The following SFMBT2 variants were observed in gnomAD, a reference collection of about 807,000 sequenced individuals.
SFMBT2 encodes the protein Scm like with four mbt domains 2.
A neutral mutation model predicts 110.1 loss-of-function variants in SFMBT2; 38 were observed. That is an observed-to-expected ratio of 0.35 (90% CI 0.27 to 0.45). The LOEUF (loss-of-function observed/expected upper bound fraction) is 0.45. Ranked by LOEUF, SFMBT2 falls within the 20% of genes least tolerant of loss-of-function variation. The pLI, the probability that SFMBT2 is intolerant of heterozygous loss-of-function variation, is 1.00. For missense variants in SFMBT2, 1,011 were observed against 1,094.9 expected, an observed-to-expected ratio of 0.92 and a Z score of 1.08; for synonymous variants, 425 against 425.4, an observed-to-expected ratio of 1.00 and a Z score of 0.01.
intron 7 of SFMBT2, among the ~76,000 whole-genome samples, chr10:7,259,289 G>C (rs1841124493): frequency 6.6e-6 from 1 of 152,214 alleles, no homozygotes; most frequent in Non-Finnish European, 1.5e-5. Context: ...CAAGTGGGAA[G>C]CCTCCCCACT....
chr10:7,208,828 A>G (rs1839238495), intron 11 of SFMBT2, among the ~76,000 whole-genome samples: 1 of 152,200 alleles, frequency 6.6e-6, no homozygotes, highest in African/African-American at 2.4e-5. Flanking sequence ...CAATGTATAC[A>G]TTAGTATATT....
intron 4 of SFMBT2, chr10:7,286,274 G>A: frequency 4.0e-6 from 1 of 252,710 alleles, no homozygotes; most frequent in East Asian, 1.8e-4. Context: ...GTTCCAAGGA[G>A]AGAGAAACCA....
chr10:7,315,906 A>G (rs1842997517), intron 4 of SFMBT2, among the ~76,000 whole-genome samples: 2 of 152,210 alleles, frequency 1.3e-5, no homozygotes, highest in Non-Finnish European at 2.9e-5. Flanking sequence ...AGCCCTCTTA[A>G]TATTTGCTGT....
At position 7,160,720 on chromosome 10, in the gene SFMBT2, A is replaced by G. The variant is rs183015352; in HGVS notation, c.*3050T>C. The G allele has an allele frequency of 4.6e-5, 7 of 152,364 alleles. No homozygotes were observed. Among genetic ancestry groups the G allele is most frequent in the African/African-American group, 1.7e-4 (7 of 41,564 alleles). The allele number at this position is 152,364 out of a possible 1,614,324, so 9.4% of individuals were successfully genotyped here. ...AAGGACACACACAGAAAAATGCTCC[A>G]TGAAATTGGCCCTACCTTTAAGACA... On this transcript the variant is annotated 3_prime_UTR_variant, in exon 21 of 21. Transcript: ENST00000397167.
rs1486122697 is a variant in SFMBT2, at chr10:7,159,795, T to C, written c.*3975A>G. On this transcript the variant is annotated 3_prime_UTR_variant, in exon 21 of 21. Transcript: ENST00000397167. ...TTCTATATACAGAAATAAATATAAA[T>C]GGGTGTTCTATAAAATAAGTATGAA... 6.6e-6 allele frequency: 1 copy of C among 152,152 alleles called. No individual in the cohort carries two copies. Among genetic ancestry groups the C allele is most frequent in the Non-Finnish European group, 1.5e-5 (1 of 68,012 alleles). The allele number at this position is 152,152 out of a possible 1,614,324, so 9.4% of individuals were successfully genotyped here. A position where few individuals can be genotyped will look rare whatever the true frequency, so the allele number is the denominator to read the frequency against.
chr10:7,383,301 C>T (rs186715473), intron 1 of SFMBT2, among the ~76,000 whole-genome samples: 122 of 152,176 alleles, frequency 8.0e-4, no homozygotes, highest in African/African-American at 2.8e-3. Context: ...CTCAGGAGTT[C>T]ATGGTCAGCC....
At chr10:7,371,323 C>T (rs184587236) in intron 2 of SFMBT2, among the ~76,000 whole-genome samples, 2 of 152,256 alleles carry the variant, frequency 1.3e-5, no homozygotes, top group Admixed American at 6.5e-5. Flanking sequence ...CAGAGTTTCA[C>T]TACACGTTGG....
At chr10:7,266,024 T>C (rs531340728) in intron 7 of SFMBT2, among the ~76,000 whole-genome samples, 1 of 152,036 alleles carries the variant, frequency 6.6e-6, no homozygotes, top group Non-Finnish European at 1.5e-5. Context: ...CTGAGATCAG[T>C]GCTGAACCAG....
intron 4 of SFMBT2, among the ~76,000 whole-genome samples, chr10:7,350,910 T>C (rs1844293360): frequency 6.6e-6 from 1 of 152,204 alleles, no homozygotes; most frequent in South Asian, 2.1e-4. Context: ...ATTCCCTTGG[T>C]AGTAGCCACA....
At chr10:7,401,272 G>A (rs1446265510) in intron 1 of SFMBT2, among the ~76,000 whole-genome samples, 1 of 152,192 alleles carries the variant, frequency 6.6e-6, no homozygotes, top group Non-Finnish European at 1.5e-5. Context: ...GGCTGAGGCT[G>A]CAAGTGAGAT....
At chr10:7,264,377 C>T (rs575626950) in intron 7 of SFMBT2, among the ~76,000 whole-genome samples, 12 of 152,230 alleles carry the variant, frequency 7.9e-5, no homozygotes, top group East Asian at 3.9e-4. Flanking sequence ...ATGTCAAAGA[C>T]GACAGAGACT....
chr10:7,333,252 T>C (rs1843616179), intron 4 of SFMBT2, among the ~76,000 whole-genome samples: 1 of 152,120 alleles, frequency 6.6e-6, no homozygotes, highest in Non-Finnish European at 1.5e-5. Flanking sequence ...CTAGCACAAA[T>C]AAAATATGGG....
intron 4 of SFMBT2, among the ~76,000 whole-genome samples, chr10:7,290,852 A>C (rs763249017): frequency 2.0e-5 from 3 of 152,226 alleles, no homozygotes; most frequent in Non-Finnish European, 2.9e-5. Flanking sequence ...AAAGAAAAAG[A>C]AAGCAAGCTA....
At chr10:7,401,198 C>T (rs182052727) in intron 1 of SFMBT2, among the ~76,000 whole-genome samples, 100 of 152,260 alleles carry the variant, frequency 6.6e-4, no homozygotes, top group African/African-American at 2.3e-3. Context: ...CTCTCAAGCA[C>T]GCACCTTTTT....
intron 1 of SFMBT2, among the ~76,000 whole-genome samples, chr10:7,392,472 A>C (rs1411795453): frequency 6.6e-6 from 1 of 152,058 alleles, no homozygotes; most frequent in Non-Finnish European, 1.5e-5. Context: ...CTGAGATTGC[A>C]CCACTGCACT....
At chr10:7,192,059 T>C (rs533039892) in intron 15 of SFMBT2, among the ~76,000 whole-genome samples, 10 of 151,380 alleles carry the variant, frequency 6.6e-5, no homozygotes, top group Non-Finnish European at 8.8e-5. Context: ...AAAAAAAAAA[T>C]GTGCACTTTT....
At chr10:7,368,209 T>C (rs1190830883) in intron 3 of SFMBT2, 1 of 459,568 alleles carries the variant, frequency 2.2e-6, no homozygotes, top group Non-Finnish European at 2.9e-6. Flanking sequence ...TGTCTTCTTT[T>C]TGAATAAAGC....
chr10:7,164,096 T>C (rs1003552446), intron 20 of SFMBT2, 186 bp from the exon 21 acceptor site: 9 of 985,302 alleles, frequency 9.1e-6, no homozygotes, highest in African/African-American at 1.7e-5. Flanking sequence ...GTTACTAAAA[T>C]CTTTTTGTAG....
intron 4 of SFMBT2, among the ~76,000 whole-genome samples, chr10:7,318,883 C>T (rs903652384): frequency 2.0e-5 from 3 of 152,186 alleles, no homozygotes; most frequent in Non-Finnish European, 4.4e-5. Context: ...TTAGCAGAGA[C>T]TTAAAGGAAT....
Sources: allele counts gnomAD v4.1 joint callset (sites outside exome capture counted in the v4.1 genomes callset), GRCh38; gene constraint gnomAD v4.1.1; transcripts MANE v1.5; gene names NCBI Gene and HGNC (gene_info 2026-07-23, HGNC 2026-07-21).